The following TRPC7 variants were observed in gnomAD, a reference collection of about 807,000 sequenced individuals.
TRPC7 encodes the protein transient receptor potential cation channel subfamily C member 7, also known as short transient receptor potential channel 7.
In TRPC7, 42 loss-of-function variants were observed where a neutral mutation model predicts 90.1. The ratio of observed to expected loss-of-function variants is 0.47; its 90% CI spans 0.36 to 0.60. TRPC7 has a LOEUF of 0.60. Ranked by LOEUF, TRPC7 falls within the 20% of genes least tolerant of loss-of-function variation. TRPC7 has a pLI of 0.00. For missense variants in TRPC7, 955 were observed against 1,112.3 expected (o/e 0.86, Z 2.01); for synonymous variants, 451 against 436.3 (o/e 1.03, Z -0.42).
chr5:136,342,345 T>G (rs1759870885), intron 2 of TRPC7, among the ~76,000 whole-genome samples: 1 of 152,220 alleles, frequency 6.6e-6, no homozygotes, highest in Non-Finnish European at 1.5e-5. Flanking sequence ...TCAGTTCTGC[T>G]GAGGGGTGCA....
chr5:136,334,892 C>G (rs1759602970), intron 2 of TRPC7, among the ~76,000 whole-genome samples: 1 of 152,084 alleles, frequency 6.6e-6, no homozygotes, highest in South Asian at 2.1e-4. Context: ...TAAGAGATGG[C>G]CTTGAAGCCA....
At chr5:136,304,143 C>T (rs1405134415) in intron 3 of TRPC7, among the ~76,000 whole-genome samples, 20 of 151,130 alleles carry the variant, frequency 1.3e-4, no homozygotes, top group African/African-American at 4.9e-4. Flanking sequence ...CATTGCTGCC[C>T]TTCTTCCCAA....
intron 7 of TRPC7, among the ~76,000 whole-genome samples, chr5:136,243,113 CCT>C (rs1157625051): frequency 3.9e-5 from 6 of 152,044 alleles, no homozygotes; most frequent in Non-Finnish European, 5.9e-5. Flanking sequence ...CTCTTCTTTC[CCT>C]CTGTCTTAGA....
In TRPC7 at chr5:136,247,385, C is replaced by T; in HGVS notation, c.1844+86G>A. On this transcript the variant is annotated intron_variant, in intron 7 of 11. Transcript: ENST00000513104. The surrounding 1 kb of genome is among the most constrained non-coding windows in gnomAD (Gnocchi z 4.2). ...TGAGAGATAGCAAGGAAACAGCAGT[C>T]TCTGCAAGAAGCCACCTTCAGGAGA... 7.0e-7 allele frequency: 1 copy of T among 1,427,560 alleles called. No homozygotes were observed. Among genetic ancestry groups the T allele is most frequent in the Non-Finnish European group, 9.4e-7 (1 of 1,059,622 alleles). The allele number at this position is 1,427,560 out of a possible 1,614,324, so 88.4% of individuals were successfully genotyped here. A position where few individuals can be genotyped will look rare whatever the true frequency, so the allele number is the denominator to read the frequency against.
At chr5:136,274,048 C>T (rs1324947533) in intron 4 of TRPC7, among the ~76,000 whole-genome samples, 1 of 152,188 alleles carries the variant, frequency 6.6e-6, no homozygotes, top group Non-Finnish European at 1.5e-5. Flanking sequence ...CTCTTCTTCT[C>T]TTTCCTTTGC....
chr5:136,229,335 C>A (rs768208041), intron 8 of TRPC7, among the ~76,000 whole-genome samples: 2 of 152,190 alleles, frequency 1.3e-5, no homozygotes, highest in Admixed American at 1.3e-4. Context: ...GCATACCACA[C>A]TGCTTCACCC....
chr5:136,346,663 G>A (rs1006360127), intron 2 of TRPC7, among the ~76,000 whole-genome samples: 1 of 152,052 alleles, frequency 6.6e-6, no homozygotes, highest in African/African-American at 2.4e-5. Context: ...GGTTTTCTCC[G>A]GACTGACCTC....
At chr5:136,231,227 C>T in intron 8 of TRPC7, 127 bp downstream of exon 8, 1 of 840,758 alleles carries the variant, frequency 1.2e-6, no homozygotes, top group East Asian at 2.8e-5. Flanking sequence ...GGAAGAATGC[C>T]TGTTCTTTGC....
intron 7 of TRPC7, among the ~76,000 whole-genome samples, chr5:136,236,470 C>A (rs2149799259): frequency 6.6e-6 from 1 of 152,302 alleles, no homozygotes; most frequent in African/African-American, 2.4e-5. Context: ...TGACTCTGGG[C>A]CTGCAGTGGA....
At chr5:136,255,687 A>C (rs557976632) in intron 5 of TRPC7, among the ~76,000 whole-genome samples, 1 of 152,358 alleles carries the variant, frequency 6.6e-6, no homozygotes, top group South Asian at 2.1e-4. Flanking sequence ...TTCAGTTTCA[A>C]TTTGAGCACC....
intron 7 of TRPC7, among the ~76,000 whole-genome samples, chr5:136,234,608 C>T (rs984372488): frequency 4.6e-5 from 7 of 152,264 alleles, no homozygotes; most frequent in Non-Finnish European, 7.4e-5. Flanking sequence ...GCGCCTGGCC[C>T]TAAACTATGC....
chr5:136,229,275 C>G (rs975766587), intron 8 of TRPC7, among the ~76,000 whole-genome samples: 1 of 152,232 alleles, frequency 6.6e-6, no homozygotes, highest in African/African-American at 2.4e-5. Flanking sequence ...ACCTCTTCCT[C>G]TCACCTCTTG....
chr5:136,360,931 T>G (rs1339317648), intron 1 of TRPC7, among the ~76,000 whole-genome samples: 1 of 152,214 alleles, frequency 6.6e-6, no homozygotes, highest in Non-Finnish European at 1.5e-5. Flanking sequence ...GTGAATATAT[T>G]CAGCCACCAT....
At chr5:136,360,866 A>T (rs575522508) in intron 1 of TRPC7, among the ~76,000 whole-genome samples, 1 of 151,954 alleles carries the variant, frequency 6.6e-6, no homozygotes, top group South Asian at 2.1e-4. Flanking sequence ...ATTAGCTCTG[A>T]CTCCCTCTTA....
At chr5:136,267,277 C>T (rs561433529) in intron 4 of TRPC7, among the ~76,000 whole-genome samples, 1 of 152,148 alleles carries the variant, frequency 6.6e-6, no homozygotes, top group Non-Finnish European at 1.5e-5. Context: ...GAGGGCTGCA[C>T]GTTGAGTACT....
intron 3 of TRPC7, among the ~76,000 whole-genome samples, chr5:136,294,167 A>G (rs1758068690): frequency 6.6e-6 from 1 of 152,270 alleles, no homozygotes; most frequent in African/African-American, 2.4e-5. Context: ...CTTAAATGTT[A>G]GGCCTAAAAC....
At chr5:136,316,625 G>A (rs1028887974) in intron 2 of TRPC7, among the ~76,000 whole-genome samples, 44 of 152,046 alleles carry the variant, frequency 2.9e-4, no homozygotes, top group African/African-American at 1.0e-3. Flanking sequence ...TCTTTGAGAG[G>A]CTAACTTCCT....
rs116585202 is a variant in TRPC7, at chr5:136,222,424, G to A, written c.2343+2850C>T. Among the ~76,000 whole-genome samples, 727 of 152,348 alleles carry A rather than the reference G, an allele frequency of 4.8e-3. 8 individuals carry two copies. The highest frequency in any genetic ancestry group is 0.017 in the African/African-American group (692 of 41,582). ...ATGGAATATGTGCTCAGTGACAGCA[G>A]CTCTGCCTAGGGCCTGGATTGTAAG... On this transcript the variant is annotated intron_variant, in intron 10 of 11. Transcript: ENST00000513104.
chr5:136,359,639 C>T lies in TRPC7; in HGVS notation c.3-2254G>A, dbSNP rs143932683. On this transcript the variant is annotated intron_variant, in intron 1 of 11. Transcript: ENST00000513104. Reference sequence around the variant, plus strand: ...GAGAGAAAGATTCACAAATAGTGTGCAGGCACTTATTATTATAGGGTTTTC... The same window carrying T: ...GAGAGAAAGATTCACAAATAGTGTGTAGGCACTTATTATTATAGGGTTTTC... 5.5e-3 allele frequency among the ~76,000 whole-genome samples: 833 copies of T among 152,212 alleles called. 5 individuals carry two copies. The highest frequency in any genetic ancestry group is 0.019 in the African/African-American group (785 of 41,534).
Sources: gnomAD v4.1 joint callset for allele counts (sites outside exome capture counted in the v4.1 genomes callset) on GRCh38, gnomAD v4.1.1 for gene constraint, Gnocchi (gnomAD v3.1) non-coding constraint, MANE v1.5 for transcripts, NCBI Gene and HGNC (gene_info 2026-07-23, HGNC 2026-07-21) for gene names.